TUBGCP5: variants seen among roughly 807,000 people sequenced by gnomAD.
TUBGCP5 encodes tubulin gamma complex component 5.
In TUBGCP5, 98 loss-of-function variants were observed where a neutral mutation model predicts 134.7. That is an observed-to-expected ratio of 0.73 (90% confidence interval 0.62 to 0.86). TUBGCP5 has a LOEUF of 0.86. TUBGCP5 is among the 40% of genes least tolerant of loss of function. TUBGCP5 has a pLI of 0.00. For missense variants in TUBGCP5, 1,150 were observed against 1,244.8 expected (o/e 0.92, Z 1.15); for synonymous variants, 456 against 431.4 (o/e 1.06, Z -0.71).
At chr15:23,018,659 C>T (rs937613439) in intron 12 of TUBGCP5, among the ~76,000 whole-genome samples, 8 of 152,038 alleles carry the variant, frequency 5.3e-5, no homozygotes, top group Admixed American at 5.2e-4. Flanking sequence ...CTAAATATAC[C>T]GCATAATTTA....
chr15:23,032,000 AT>A lies in TUBGCP5; in HGVS notation c.435del (p.Lys145AsnfsTer3). On this transcript the variant is annotated frameshift_variant, in exon 5 of 23. Transcript: ENST00000615383. LOFTEE classifies it high-confidence loss of function. The stretch of plus-strand genomic sequence containing the variant: ...TCCATTTCTTCATCTTCCATCAAGT[AT>A]TTTCCCCAGTCGAAATCATCTTTCT... The part of the protein sequence containing the change: ...VEKKDDFDWG[K>X]YLMEDEEMDI... The A allele has an allele frequency of 6.2e-7, 1 of 1,612,660 alleles. No individual in the cohort carries two copies. Among genetic ancestry groups the A allele is most frequent in the Non-Finnish European group, 8.5e-7 (1 of 1,179,108 alleles).
At chr15:23,019,495 C>T in intron 11 of TUBGCP5, 161 bp from the exon 12 acceptor site, 1 of 604,468 alleles carries the variant, frequency 1.7e-6, no homozygotes, top group South Asian at 2.1e-5. Context: ...CTATAAAATC[C>T]TTATGAAAAA....
intron 9 of TUBGCP5, 126 bp from the exon 10 acceptor site, chr15:23,024,319 G>T: frequency 1.0e-6 from 1 of 980,842 alleles, no homozygotes; most frequent in South Asian, 2.2e-5. Context: ...AGAAGACAAA[G>T]TAATAATATG....
downstream of TUBGCP5, among the ~76,000 whole-genome samples, chr15:22,997,606 TA>T (rs2064151542): frequency 6.6e-6 from 1 of 151,866 alleles, no homozygotes; most frequent in Admixed American, 6.6e-5. Flanking sequence ...CTAGCTTTCA[TA>T]TTTTTTTTCT....
At chr15:22,989,517 T>C (rs2063785964) in intron 23 of TUBGCP5, among the ~76,000 whole-genome samples, 5 of 152,154 alleles carry the variant, frequency 3.3e-5, no homozygotes, top group Admixed American at 3.3e-4. Context: ...AAATCATACT[T>C]GTCTTGGTCT....
intron 8 of TUBGCP5, 48 bp from the exon 9 acceptor site, chr15:23,024,878 T>C: frequency 1.7e-6 from 2 of 1,168,752 alleles, no homozygotes; most frequent in Non-Finnish European, 2.5e-6. Context: ...TCTAGAAAAA[T>C]ATTCATGACA....
intron 13 of TUBGCP5, 43 bp downstream of exon 13, chr15:23,017,730 G>T: frequency 1.3e-6 from 2 of 1,575,686 alleles, no homozygotes; most frequent in Non-Finnish European, 1.7e-6. Context: ...GTAGGGTCAG[G>T]TGTCCCAACA....
rs1250757180 is a variant in TUBGCP5 at position 23,013,466 on chromosome 15, G to C, written c.1757-2135C>G. On this transcript the variant is annotated intron_variant, in intron 13 of 22. Coordinates refer to ENST00000615383, the MANE Select transcript of TUBGCP5 (RefSeq NM_052903.6). The surrounding 1 kb of genome is among the most constrained non-coding windows in gnomAD (Gnocchi z 4.5). The stretch of plus-strand genomic sequence containing the variant: ...GTCTCAAAAAAAAAAGATCCGACTG[G>C]AGTTGAAGGGCGAGTGCTGGAGTGC... Among the ~76,000 whole-genome samples the C allele has an allele frequency of 1.3e-5, 2 of 152,060 alleles. No individual in the cohort carries two copies. The highest frequency in any genetic ancestry group is 2.4e-5 in the African/African-American group (1 of 41,420).
At chr15:23,011,423 TTAAG>T (rs953097171) in intron 13 of TUBGCP5, 92 bp from the exon 14 acceptor site, 45 of 505,692 alleles carry the variant, frequency 8.9e-5, no homozygotes, top group African/African-American at 2.6e-4. Flanking sequence ...TAACAATATA[TTAAG>T]TAACAAAATC....
At chr15:23,034,821 C>T (rs190597590) in intron 3 of TUBGCP5, among the ~76,000 whole-genome samples, 21 of 151,530 alleles carry the variant, frequency 1.4e-4, no homozygotes, top group East Asian at 7.8e-4. Flanking sequence ...AGCAAGATTC[C>T]GTCTCAAAAA....
rs1219248684 is a variant in TUBGCP5, at chr15:23,036,955, C to T, written c.251G>A (p.Trp84Ter). Residue 84 changes from tryptophan to a stop codon, truncating the protein, a stop_gained, in exon 3 of 23, where the codon TGG becomes TAG. Coordinates refer to ENST00000615383, the MANE Select transcript of TUBGCP5 (RefSeq NM_052903.6). LOFTEE classifies it high-confidence loss of function. ...IHSDLSKAAS[W>*]KRLTEEFLNA... The stretch of plus-strand genomic sequence containing the variant: ...TAGAAATTCCTCCGTTAATCTCTTC[C>T]AACTAGCAGCTTTGCTTAGATCAGA... 6.2e-7 allele frequency: 1 copy of T among 1,612,562 alleles called. No homozygotes were observed. Among genetic ancestry groups the T allele is most frequent in the Admixed American group, 1.7e-5 (1 of 59,898 alleles).
intron 13 of TUBGCP5, 23 bp from the exon 14 acceptor site, chr15:23,011,354 AG>A (rs760402527): frequency 1.3e-4 from 211 of 1,572,368 alleles, no homozygotes; most frequent in Non-Finnish European, 1.8e-4. Context: ...GAAATATGTA[AG>A]GTGAACTAAG....
chr15:23,030,556 T>C (rs1301776243), intron 6 of TUBGCP5, among the ~76,000 whole-genome samples: 1 of 146,268 alleles, frequency 6.8e-6, no homozygotes, highest in Non-Finnish European at 1.5e-5. Flanking sequence ...TTGCCAGAGC[T>C]GGAGTGCAGT....
At chr15:22,992,102 T>G (rs984917902) in intron 23 of TUBGCP5, among the ~76,000 whole-genome samples, 1 of 152,148 alleles carries the variant, frequency 6.6e-6, no homozygotes, top group African/African-American at 2.4e-5. Flanking sequence ...CTGAGAAGAA[T>G]TGCAGTCGTA....
downstream of TUBGCP5, among the ~76,000 whole-genome samples, chr15:22,996,613 G>A (rs1289912836): frequency 1.3e-5 from 2 of 152,146 alleles, no homozygotes; most frequent in Non-Finnish European, 2.9e-5. Flanking sequence ...AGCCTTCCCA[G>A]AGTAGGTGGG....
At chr15:23,000,279 G>T in intron 22 of TUBGCP5, 1 of 1,258,866 alleles carries the variant, frequency 7.9e-7, no homozygotes, top group Non-Finnish European at 1.0e-6. Flanking sequence ...AAAACTACAC[G>T]ATAGTGAAGT....
At chr15:22,997,385 G>A (rs756992492), downstream of TUBGCP5, among the ~76,000 whole-genome samples, 1 of 151,364 alleles carries the variant, frequency 6.6e-6, no homozygotes, top group Non-Finnish European at 1.5e-5. Flanking sequence ...TCCCCATATT[G>A]GTCAGGCTGG....
In TUBGCP5 at chr15:23,022,371, T is replaced by C. The variant is rs558439029; in HGVS notation, c.1169-210A>G. Among the ~76,000 whole-genome samples, 7 of 152,220 alleles carry C rather than the reference T, an allele frequency of 4.6e-5. No individual in the cohort carries two copies. The East Asian group carries it at 1.4e-3, about 29-fold the overall frequency. ...AAGACAACTCAGCAGAAAAATAATGTATAAAGGAACTGACAGTTCATAAAA... is the reference window on the plus strand; with the variant it reads ...AAGACAACTCAGCAGAAAAATAATGCATAAAGGAACTGACAGTTCATAAAA... On this transcript the variant is annotated intron_variant, in intron 10 of 22. Transcript: ENST00000615383.
intron 20 of TUBGCP5, among the ~76,000 whole-genome samples, chr15:23,003,563 T>C (rs1323113342): frequency 2.6e-5 from 4 of 151,852 alleles, no homozygotes; most frequent in African/African-American, 7.3e-5. Flanking sequence ...AGAGTGAGTG[T>C]TGACTATCAC....
Sources: allele counts gnomAD v4.1 joint callset (sites outside exome capture counted in the v4.1 genomes callset), GRCh38; gene constraint gnomAD v4.1.1; non-coding constraint Gnocchi (gnomAD v3.1); transcripts MANE v1.5; gene names NCBI Gene and HGNC (gene_info 2026-07-23, HGNC 2026-07-21).